ADGB: variants seen among roughly 807,000 people sequenced by gnomAD.
ADGB encodes the protein calpain-7-like protein.
Under a neutral mutation model 210.5 loss-of-function variants are expected in ADGB, and 172 were observed. The observed-to-expected ratio is 0.82, with a 90% CI of 0.72 to 0.93. The LOEUF is 0.93. ADGB is among the 40% of genes least tolerant of loss of function. The probability of loss-of-function intolerance (pLI) is 0.00; values close to 1 mark genes in which losing one functional copy is unlikely to be tolerated. For missense variants in ADGB, 2,025 were observed against 1,964.8 expected (o/e 1.03, Z -0.58); for synonymous variants, 658 against 662.7 (o/e 0.99, Z 0.11).
intron 13 of ADGB, among the ~76,000 whole-genome samples, chr6:146,703,046 C>T (rs1047433575): frequency 6.6e-6 from 1 of 151,762 alleles, no homozygotes; most frequent in Non-Finnish European, 1.5e-5. Context: ...TGTGACTGAA[C>T]AGCTTTGTAT....
chr6:146,734,162 T>C, intron 22 of ADGB, 132 bp downstream of exon 22: 1 of 962,972 alleles, frequency 1.0e-6, no homozygotes, highest in African/African-American at 1.7e-5. Flanking sequence ...AATGAAATTA[T>C]TTGAAATCAG....
chr6:146,809,835 C>T (rs1298705857), intron 35 of ADGB, among the ~76,000 whole-genome samples: 2 of 152,114 alleles, frequency 1.3e-5, no homozygotes, highest in Admixed American at 1.3e-4. Context: ...TTAAATGTAA[C>T]ATTGGAACTC....
At position 146,780,880 on chromosome 6, in the gene ADGB, C is replaced by T. The variant is rs1198684262; in HGVS notation, c.3863-1140C>T. On this transcript the variant is annotated intron_variant, in intron 29 of 35. Coordinates refer to ENST00000397944, the MANE Select transcript of ADGB (RefSeq NM_024694.4). ...ACCTATAGAATACTCCACTCAACAA[C>T]AGCAGAATACACATTCTTCTCAAGG... Among the ~76,000 whole-genome samples the T allele has an allele frequency of 2.0e-5, 3 of 152,070 alleles. No homozygotes were observed. The East Asian group carries it at 5.8e-4, about 29-fold the overall frequency.
At chr6:146,616,848 T>C (rs1234922112) in intron 1 of ADGB, among the ~76,000 whole-genome samples, 1 of 152,114 alleles carries the variant, frequency 6.6e-6, no homozygotes, top group Non-Finnish European at 1.5e-5. Context: ...GTTATTATAC[T>C]TTTGTAATCT....
chr6:146,815,071 C>T lies in ADGB; in HGVS notation c.4858C>T (p.Arg1620Trp), dbSNP rs188492556. 1,054 of 1,546,142 alleles carry T rather than the reference C, an allele frequency of 6.8e-4. 6 individuals are homozygous for T. In the African/African-American group the frequency reaches 0.013, roughly 19 times the overall value. ...DEARQKIFDI[R>W]EEYRNKLLEA... Reference sequence around the variant, plus strand: ...AGCCCGACAGAAAATTTTCGACATCCGGGAAGAGTACAGAAACAAATTGCT... The same window carrying T: ...AGCCCGACAGAAAATTTTCGACATCTGGGAAGAGTACAGAAACAAATTGCT... The change falls in exon 36 of 36, where the codon CGG (arginine) becomes TGG (tryptophan). Residue 1620 changes from arginine to tryptophan, a missense_variant. Coordinates refer to ENST00000397944, the MANE Select transcript of ADGB (RefSeq NM_024694.4).
In ADGB at chr6:146,685,760, A is replaced by G. The variant is rs1229885204; in HGVS notation, c.1243A>G (p.Met415Val). 2 of 1,538,024 alleles carry G rather than the reference A, an allele frequency of 1.3e-6. No homozygotes were observed. Among genetic ancestry groups the G allele is most frequent in the Admixed American group, 4.1e-5 (2 of 48,586 alleles). ...DCSSAIQTSH[M>V]VVYATFTPLY... ...TTCTTCTGCAATACAGACCTCTCATATGGTCGTATATGCGACATTTACACC... is the reference window on the plus strand; with the variant it reads ...TTCTTCTGCAATACAGACCTCTCATGTGGTCGTATATGCGACATTTACACC... Residue 415 changes from methionine (M) to valine (V), a missense_variant, in exon 10 of 36, where the codon ATG (methionine) becomes GTG (valine). Transcript: ENST00000397944.
At chr6:146,721,598 G>C (rs572400640) in intron 17 of ADGB, 93 bp downstream of exon 17, 109 of 838,224 alleles carry the variant, frequency 1.3e-4, no homozygotes, top group Non-Finnish European at 1.9e-4. Context: ...AGCACTTTGA[G>C]AGGCTGAGGC....
intron 3 of ADGB, among the ~76,000 whole-genome samples, chr6:146,647,350 C>G (rs1178959696): frequency 6.6e-6 from 1 of 151,576 alleles, no homozygotes; most frequent in African/African-American, 2.4e-5. Context: ...GCCCAAAAAG[C>G]AAAGAGAAAT....
intron 2 of ADGB, among the ~76,000 whole-genome samples, chr6:146,637,259 G>A (rs1476966801): frequency 1.3e-5 from 2 of 151,964 alleles, no homozygotes; most frequent in Non-Finnish European, 2.9e-5. Context: ...ACAAAGTAGT[G>A]TCCTGGGACC....
chr6:146,678,110 A>G (rs1223966904), intron 9 of ADGB, among the ~76,000 whole-genome samples: 1 of 152,168 alleles, frequency 6.6e-6, no homozygotes, highest in East Asian at 1.9e-4. Context: ...TCCTTCAATC[A>G]GCTGCTTTGG....
At chr6:146,624,629 C>A (rs1184892176) in intron 1 of ADGB, among the ~76,000 whole-genome samples, 3 of 151,704 alleles carry the variant, frequency 2.0e-5, no homozygotes, top group Non-Finnish European at 4.4e-5. Context: ...TTATTATTTA[C>A]TTACTTTTAT....
chr6:146,650,801 G>A (rs531896721), intron 3 of ADGB, among the ~76,000 whole-genome samples: 60 of 152,162 alleles, frequency 3.9e-4, no homozygotes, highest in African/African-American at 1.3e-3. Context: ...AAACGCCAAC[G>A]GATCTGACGC....
chr6:146,711,493 C>T (rs1776655713), intron 13 of ADGB, among the ~76,000 whole-genome samples: 1 of 151,972 alleles, frequency 6.6e-6, no homozygotes, highest in African/African-American at 2.4e-5. Flanking sequence ...TTTGGTCTCT[C>T]TTCTTTCATG....
intron 33 of ADGB, among the ~76,000 whole-genome samples, chr6:146,795,356 G>A (rs1778024143): frequency 6.6e-6 from 1 of 152,090 alleles, no homozygotes; most frequent in Admixed American, 6.6e-5. Flanking sequence ...ACTATCAACA[G>A]AGTAAACAAA....
chr6:146,608,120 A>G (rs1780656884), intron 1 of ADGB, among the ~76,000 whole-genome samples: 1 of 151,898 alleles, frequency 6.6e-6, no homozygotes, highest in African/African-American at 2.4e-5. Context: ...TCCTGGTTCA[A>G]ACTTGGTAGG....
intron 6 of ADGB, among the ~76,000 whole-genome samples, chr6:146,665,292 A>C (rs9390412): frequency 0.42 from 64,250 of 151,742 alleles, 13,712 homozygotes; most frequent in East Asian, 0.52. Flanking sequence ...CCAAGGCTAC[A>C]AAACAAAAAC....
Position 146,769,088 on chromosome 6 carries a change from A to G in ADGB, c.3819A>G (p.Thr1273=), listed in dbSNP as rs1208333929. 1.3e-6 allele frequency: 2 copies of G among 1,530,336 alleles called. No homozygotes were observed. The highest frequency in any genetic ancestry group is 1.8e-6 in the Non-Finnish European group (2 of 1,132,144). 94.8% of individuals were successfully genotyped at this position (1,530,336 alleles called of 1,614,324 possible). A position where few individuals can be genotyped will look rare whatever the true frequency, so the allele number is the denominator to read the frequency against. The part of the protein sequence containing the change: ...NSWPLTESQL[T]FVQALKDLKK... ...GGCCTCTCACTGAAAGCCAGCTGAC[A>G]TTTGTTCAAGCACTGAAAGACTTAA... The change falls in exon 29 of 36, where the codon ACA becomes ACG. Residue 1273 remains threonine, a synonymous_variant. Coordinates refer to ENST00000397944, the MANE Select transcript of ADGB (RefSeq NM_024694.4).
At position 146,726,136 on chromosome 6, in the gene ADGB, T is replaced by C. The variant is rs1315222115; in HGVS notation, c.2291T>C (p.Ile764Thr). The C allele has an allele frequency of 3.2e-6, 5 of 1,550,002 alleles. No individual in the cohort carries two copies. The highest frequency in any genetic ancestry group is 4.4e-6 in the Non-Finnish European group (5 of 1,145,240). The change falls in exon 19 of 36, where the codon ATC (isoleucine) becomes ACC (threonine). Residue 764 changes from isoleucine to threonine, a missense_variant. By Grantham distance (89) the Ile-to-Thr change is moderately conservative (BLOSUM62 -1). Coordinates refer to ENST00000397944, the MANE Select transcript of ADGB (RefSeq NM_024694.4). ...AYSPVGHSIH[I>T]CSMVSFVIGD... ...TCCCCAGTAGGACACTCCATACACATCTGCAGCATGGTGTCATTTGTCATT... is the reference window on the plus strand; with the variant it reads ...TCCCCAGTAGGACACTCCATACACACCTGCAGCATGGTGTCATTTGTCATT...
intron 29 of ADGB, among the ~76,000 whole-genome samples, chr6:146,775,456 A>T (rs1243157267): frequency 6.6e-6 from 1 of 152,176 alleles, no homozygotes; most frequent in South Asian, 2.1e-4. Flanking sequence ...GAGATGGTTC[A>T]TGGTCACTTA....
Sources: allele counts gnomAD v4.1 joint callset (sites outside exome capture counted in the v4.1 genomes callset), GRCh38; gene constraint gnomAD v4.1.1; transcripts MANE v1.5; gene names NCBI Gene and HGNC (gene_info 2026-07-23, HGNC 2026-07-21).